Variants in PCF11 observed in about 807,000 individuals in gnomAD.
PCF11 encodes the protein pre-mRNA cleavage complex 2 protein Pcf11.
In PCF11, 19 loss-of-function variants were observed where a neutral mutation model predicts 166.1. The ratio of observed to expected loss-of-function variants is 0.11; its 90% CI spans 0.08 to 0.17. The LOEUF is 0.17. Ranked by LOEUF, PCF11 falls within the 10% of genes least tolerant of loss-of-function variation. The pLI is 1.00. For synonymous variants in PCF11, 663 were observed against 644.1 expected (o/e 1.03, Z -0.44); for missense variants, 1,565 against 1,855.5 (o/e 0.84, Z 2.88).
chr11:83,162,213 T>C (rs1860283312), intron 2 of PCF11, among the ~76,000 whole-genome samples: 1 of 152,228 alleles, frequency 6.6e-6, no homozygotes, highest in African/African-American at 2.4e-5. Context: ...ACTTATGAGA[T>C]ACTTAGGTTT....
At chr11:83,184,816 A>G in exon 16 of PCF11, 2 of 1,606,060 alleles carry the variant, frequency 1.2e-6, no homozygotes, top group Non-Finnish European at 1.7e-6. Context: ...GAATTGATAC[A>G]CCACCAGCTT....
chr11:83,185,959 A>C (rs1312013182), exon 16 of PCF11: 1 of 152,378 alleles, frequency 6.6e-6, no homozygotes, highest in East Asian at 1.9e-4. Context: ...TAAAACACTG[A>C]GTTTTATTGA....
At chr11:83,162,229 T>C (rs1157757789) in intron 2 of PCF11, among the ~76,000 whole-genome samples, 1 of 152,226 alleles carries the variant, frequency 6.6e-6, no homozygotes, top group Non-Finnish European at 1.5e-5. Flanking sequence ...GGTTTAAAGA[T>C]TGTTTCCTAA....
chr11:83,181,810 T>A, intron 12 of PCF11, 44 bp from the exon 13 acceptor site: 1 of 1,437,852 alleles, frequency 7.0e-7, no homozygotes, highest in Non-Finnish European at 9.3e-7. Context: ...AGTAAAAATT[T>A]AGAAATAAAT....
At chr11:83,164,291 C>G (rs1183867849) in exon 4 of PCF11, 1 of 1,613,470 alleles carries the variant, frequency 6.2e-7, no homozygotes. Flanking sequence ...ACAAAAGAAT[C>G]TTACACAAGA....
rs1188133719 is a variant in PCF11 at position 83,167,117 on chromosome 11, G to C, written c.1818-8G>C. ...TTTCAATGTAACATACTGCTTTTAT[G>C]GTTTCAGCTTACAACAGGTTGATGA... On this transcript the variant is annotated splice_polypyrimidine_tract_variant and splice_region_variant and intron_variant, in intron 5 of 15. Coordinates refer to ENST00000298281, the Ensembl canonical transcript of PCF11. This position sits in a 1 kb window ranked among gnomAD's most constrained non-coding sequence, Gnocchi z 4.2. The C allele has an allele frequency of 2.5e-6, 4 of 1,597,582 alleles. No individual in the cohort carries two copies. In the Admixed American group the frequency reaches 6.9e-5, roughly 27 times the overall value.
At chr11:83,184,743 T>C in exon 16 of PCF11, 1 of 1,611,722 alleles carries the variant, frequency 6.2e-7, no homozygotes, top group Non-Finnish European at 8.5e-7. Flanking sequence ...TTGAATATTA[T>C]GTTGAACATT....
chr11:83,170,096 A>C, intron 8 of PCF11, 101 bp downstream of exon 8: 1 of 1,045,746 alleles, frequency 9.6e-7, no homozygotes, highest in Non-Finnish European at 1.3e-6. Flanking sequence ...TGTAGATTGG[A>C]AAGAAGTTTT....
At chr11:83,173,871 C>G (rs1379905476) in intron 9 of PCF11, among the ~76,000 whole-genome samples, 1 of 151,778 alleles carries the variant, frequency 6.6e-6, no homozygotes, top group African/African-American at 2.4e-5. Context: ...GCTGGGACTA[C>G]AGGCACATGC....
chr11:83,181,886 G>A, exon 13 of PCF11: 1 of 1,611,428 alleles, frequency 6.2e-7, no homozygotes, highest in Non-Finnish European at 8.5e-7. Context: ...TAGCTGATCT[G>A]GAAGAACGGG....
At chr11:83,174,695 A>C (rs894744866) in intron 9 of PCF11, among the ~76,000 whole-genome samples, 2 of 152,148 alleles carry the variant, frequency 1.3e-5, no homozygotes, top group Admixed American at 1.3e-4. Flanking sequence ...TGAGGCATAG[A>C]TAAGGAACTT....
rs775746562 is a variant in PCF11, at chr11:83,167,474, T to C, written c.2061T>C (p.His687=). The C allele has an allele frequency of 4.3e-6, 7 of 1,610,874 alleles. No individual in the cohort carries two copies. Among genetic ancestry groups the C allele is most frequent in the Non-Finnish European group, 4.2e-6 (5 of 1,178,804 alleles). ...AGGATGACTTCCTTGTTGTTGTGCATCAAATTCGACAGCTATTTCAGTATC... is the reference window on the plus strand; with the variant it reads ...AGGATGACTTCCTTGTTGTTGTGCACCAAATTCGACAGCTATTTCAGTATC... Residue 687 remains histidine, a synonymous_variant, in exon 7 of 16, where the codon CAT becomes CAC. Coordinates refer to ENST00000298281, the Ensembl canonical transcript of PCF11. The surrounding 1 kb of genome is among the most constrained non-coding windows in gnomAD (Gnocchi z 4.2).
At chr11:83,164,125 A>T in intron 3 of PCF11, 82 bp from the exon 4 acceptor site, 1 of 906,534 alleles carries the variant, frequency 1.1e-6, no homozygotes, top group Non-Finnish European at 1.7e-6. Flanking sequence ...GGATCATATT[A>T]AGAGTTAAGC....
chr11:83,177,796 T>C, exon 11 of PCF11: 2 of 1,520,668 alleles, frequency 1.3e-6, no homozygotes, highest in South Asian at 2.5e-5. Flanking sequence ...ATCTTACTAA[T>C]TTTACAGTTG....
At chr11:83,159,590 C>T (rs1860148747) in intron 1 of PCF11, among the ~76,000 whole-genome samples, 1 of 152,118 alleles carries the variant, frequency 6.6e-6, no homozygotes, top group Admixed American at 6.5e-5. Context: ...TGGTAAAAGA[C>T]AGCTGAAATT....
exon 2 of PCF11, chr11:83,161,390 A>G (rs757084076): frequency 1.2e-6 from 2 of 1,604,704 alleles, no homozygotes; most frequent in Non-Finnish European, 8.5e-7. Flanking sequence ...AAACGTTGGA[A>G]GAGAGTATCT....
exon 4 of PCF11, chr11:83,164,209 C>G (rs780581736): frequency 1.9e-6 from 3 of 1,603,494 alleles, no homozygotes; most frequent in Non-Finnish European, 2.6e-6. Context: ...TCTTATAGCC[C>G]GAGGAGCCTT....
At chr11:83,166,747 A>T in intron 5 of PCF11, 33 bp downstream of exon 5, 1 of 1,511,262 alleles carries the variant, frequency 6.6e-7, no homozygotes, top group Non-Finnish European at 8.9e-7. Context: ...CAAGTGTAGT[A>T]GTGTATATGT....
chr11:83,173,841 C>T (rs1324427673), intron 9 of PCF11, among the ~76,000 whole-genome samples: 4 of 149,542 alleles, frequency 2.7e-5, no homozygotes, highest in African/African-American at 7.4e-5. Flanking sequence ...GCAGTTCTCC[C>T]GGGCTCAGCC....
Sources: gnomAD v4.1 joint callset for allele counts (sites outside exome capture counted in the v4.1 genomes callset) on GRCh38, gnomAD v4.1.1 for gene constraint, Gnocchi (gnomAD v3.1) non-coding constraint, MANE v1.5 for transcripts, NCBI Gene and HGNC (gene_info 2026-07-23, HGNC 2026-07-21) for gene names.